Variants in TRNT1 observed in about 807,000 individuals in gnomAD.
TRNT1 encodes the protein tRNA nucleotidyl transferase 1.
Under a neutral mutation model 45.6 loss-of-function variants are expected in TRNT1, and 44 were observed. That is an observed-to-expected ratio of 0.97 (90% CI 0.76 to 1.24). The LOEUF (loss-of-function observed/expected upper bound fraction) is 1.24. TRNT1 is among the 50% of genes most tolerant of loss of function. TRNT1 has a pLI of 0.00. For missense variants in TRNT1, 633 were observed against 504.4 expected (o/e 1.25, Z -2.44); for synonymous variants, 201 against 171.4 (o/e 1.17, Z -1.35).
In TRNT1 at chr3:3,140,543, C is replaced by T. The variant is rs780385153; in HGVS notation, c.376C>T (p.Arg126Trp). The change falls in exon 4 of 8, where the codon CGG becomes TGG. Residue 126 changes from arginine (R) to tryptophan (W), a missense_variant. By Grantham distance (101) the Arg-to-Trp change is moderately radical (BLOSUM62 -3). Transcript: ENST00000251607. ...AGAAAATTTTGAGATTACTACACTA[C>T]GGATTGATGTCACCACTGATGGAAG... Reference protein sequence around the residue: ...HEENFEITTLRIDVTTDGRHA... With the variant: ...HEENFEITTLWIDVTTDGRHA... The T allele has an allele frequency of 1.2e-5, 19 of 1,613,994 alleles. No homozygotes were observed. Among genetic ancestry groups the T allele is most frequent in the Admixed American group, 1.7e-5 (1 of 60,004 alleles).
In TRNT1 at chr3:3,147,768, A is replaced by AAAAC. The variant is rs1322492972; in HGVS notation, c.1056+66_1056+69dup. 1.4e-5 allele frequency: 21 copies of AAAAC among 1,533,514 alleles called. No homozygotes were observed. The African/African-American group carries it at 2.9e-4, about 21-fold the overall frequency. The allele number at this position is 1,533,514 out of a possible 1,614,324, so 95.0% of individuals were successfully genotyped here. ...GTCACGAATTTAGAATTAATTTATT[A>AAAAC]AAACTAAGATCTACAAATCTGTGAA... On this transcript the variant is annotated intron_variant, in intron 7 of 7. Transcript: ENST00000251607.
At position 3,128,946 on chromosome 3, in the gene TRNT1, C is replaced by T. The variant is rs111585267; in HGVS notation, c.-27-68C>T. 1.1e-3 allele frequency: 1,272 copies of T among 1,151,142 alleles called. 9 individuals are homozygous for T. The African/African-American group carries it at 0.017, about 16-fold the overall frequency. The allele number at this position is 1,151,142 out of a possible 1,614,324, so 71.3% of individuals were successfully genotyped here. ...TGAGTTGATAAACTTGAAATGTGTC[C>T]CCCTTTGTTTTCCTTCACTTACCTT... On this transcript the variant is annotated intron_variant, in intron 1 of 7. Transcript: ENST00000251607.
Position 3,147,440 on chromosome 3 carries a change from G to A in TRNT1, c.803-10G>A, listed in dbSNP as rs776053995. ...CTAAAAACAGGTGAAAAATGCTTTTGTCCCTACAGGTTTACCTGCTAATGC... is the reference window on the plus strand; with the variant it reads ...CTAAAAACAGGTGAAAAATGCTTTTATCCCTACAGGTTTACCTGCTAATGC... On this transcript the variant is annotated splice_polypyrimidine_tract_variant and intron_variant, in intron 6 of 7. Transcript: ENST00000251607. 6.2e-7 allele frequency: 1 copy of A among 1,610,102 alleles called. No homozygotes were observed. Among genetic ancestry groups the A allele is most frequent in the Non-Finnish European group, 8.5e-7 (1 of 1,177,796 alleles).
intron 3 of TRNT1, among the ~76,000 whole-genome samples, chr3:3,137,700 GATGTGTTACGT>G (rs1705413073): frequency 6.7e-6 from 1 of 150,054 alleles, no homozygotes; most frequent in African/African-American, 2.5e-5. Flanking sequence ...CCAGTTTTAA[GATGTGTTACGT>G]ATTGACTTTC....
intron 2 of TRNT1, among the ~76,000 whole-genome samples, chr3:3,134,017 A>G (rs146449153): frequency 6.6e-6 from 1 of 152,310 alleles, no homozygotes; most frequent in Non-Finnish European, 1.5e-5. Flanking sequence ...GCTAATAATA[A>G]TTAACAATTG....
downstream of TRNT1, among the ~76,000 whole-genome samples, chr3:3,152,098 A>G (rs1706598995): frequency 6.6e-6 from 1 of 152,134 alleles, no homozygotes; most frequent in African/African-American, 2.4e-5. Context: ...AAAGATACAA[A>G]AAGTGCAACA....
At chr3:3,131,510 C>T (rs970088742) in intron 2 of TRNT1, 2 of 151,446 alleles carry the variant, frequency 1.3e-5, no homozygotes, top group East Asian at 2.0e-4. Flanking sequence ...CCCTTCCTTA[C>T]ACCTTATACA....
intron 3 of TRNT1, among the ~76,000 whole-genome samples, chr3:3,139,311 C>G (rs187087768): frequency 6.6e-5 from 10 of 152,102 alleles, no homozygotes; most frequent in Admixed American, 3.9e-4. Context: ...ATACTTGTGC[C>G]TCAAATTCTT....
At chr3:3,129,974 T>C in intron 2 of TRNT1, 5 of 1,550,480 alleles carry the variant, frequency 3.2e-6, no homozygotes. Flanking sequence ...TTGCCTCCAT[T>C]GTGCACGTTG....
chr3:3,150,673 G>GCTTGTTTCCTAAAGTATA (rs1706463363), downstream of TRNT1: 6 of 568,588 alleles, frequency 1.1e-5, no homozygotes, highest in South Asian at 4.1e-5. Context: ...TGCCGTTCAT[G>GCTTGTTTCCTAAAGTATA]CTTGTTTCCT....
At chr3:3,127,972 C>T (rs1704705810) in intron 1 of TRNT1, 1 of 152,158 alleles carries the variant, frequency 6.6e-6, no homozygotes. Context: ...TGGAAAATAT[C>T]CCAGACCGAC....
At chr3:3,136,090 G>C (rs1164023389) in intron 2 of TRNT1, among the ~76,000 whole-genome samples, 1 of 152,156 alleles carries the variant, frequency 6.6e-6, no homozygotes, top group Non-Finnish European at 1.5e-5. Flanking sequence ...AAACCTAATT[G>C]GTAAGGCACA....
Position 3,129,151 on chromosome 3 carries a change from C to G in TRNT1, c.111C>G (p.Phe37Leu). The change falls in exon 2 of 8, where the codon TTC (phenylalanine) becomes TTG (leucine). Residue 37 changes from phenylalanine to leucine, a missense_variant. Physicochemically the swap from Phe to Leu is conservative, Grantham distance 22 (BLOSUM62 0). Transcript: ENST00000251607. ...CAATGAAGTTGCAGTCTCCCGAATTCCAGTCACTTTTCACAGAAGGACTGA... is the reference window on the plus strand; with the variant it reads ...CAATGAAGTTGCAGTCTCCCGAATTGCAGTCACTTTTCACAGAAGGACTGA... ...LFTMKLQSPEFQSLFTEGLKS... is the reference protein window; with the variant it reads ...LFTMKLQSPELQSLFTEGLKS... 2 of 1,614,116 alleles carry G rather than the reference C, an allele frequency of 1.2e-6. No individual in the cohort carries two copies. Among genetic ancestry groups the G allele is most frequent in the South Asian group, 2.2e-5 (2 of 91,082 alleles).
chr3:3,152,188 T>C (rs1238175676), downstream of TRNT1, among the ~76,000 whole-genome samples: 1 of 150,760 alleles, frequency 6.6e-6, no homozygotes, highest in African/African-American at 2.4e-5. Flanking sequence ...TCTCACTCTG[T>C]CACCCAGGCT....
rs1705387323 is a variant in TRNT1 at position 3,137,319 on chromosome 3, T to G, written c.208T>G (p.Leu70Val). 10 of 1,612,960 alleles carry G rather than the reference T, an allele frequency of 6.2e-6. No individual in the cohort carries two copies. The highest frequency in any genetic ancestry group is 8.5e-6 in the Non-Finnish European group (10 of 1,179,574). ...RIAGGAVRDLLNGVKPQDIDF... is the reference protein window; with the variant it reads ...RIAGGAVRDLVNGVKPQDIDF... ...AGCAGGAGGAGCAGTGAGGGATTTATTAAATGGAGTAAAGCCTCAGGATAT... is the reference window on the plus strand; with the variant it reads ...AGCAGGAGGAGCAGTGAGGGATTTAGTAAATGGAGTAAAGCCTCAGGATAT... Residue 70 changes from leucine to valine, a missense_variant, in exon 3 of 8, where the codon TTA (leucine) becomes GTA (valine). Leu to Val is a conservative substitution (Grantham distance 32). Transcript: ENST00000251607.
At chr3:3,136,591 A>G (rs548527600) in intron 2 of TRNT1, 30 of 421,364 alleles carry the variant, frequency 7.1e-5, no homozygotes, top group South Asian at 4.5e-4. Flanking sequence ...ACATGTTACC[A>G]TTTCTAAAGT....
Position 3,146,444 on chromosome 3 carries a change from T to A in TRNT1, c.623T>A (p.Ile208Asn). Residue 208 changes from isoleucine to asparagine, a missense_variant, in exon 6 of 8, where the codon ATT becomes AAT. Coordinates refer to ENST00000251607, the MANE Select transcript of TRNT1 (RefSeq NM_182916.3). ...TTGTCTTGTAGGTTTTATGGGAGAA[T>A]TGTAGACAAACCTGGTGACCATGAT... ...ILRYFRFYGR[I>N]VDKPGDHDPE... 1 of 1,611,310 alleles carries A rather than the reference T, an allele frequency of 6.2e-7. No homozygotes were observed. The highest frequency in any genetic ancestry group is 8.5e-7 in the Non-Finnish European group (1 of 1,179,178).
In TRNT1 at chr3:3,128,969, C is replaced by T. The variant is rs1704803206; in HGVS notation, c.-27-45C>T. On this transcript the variant is annotated intron_variant, in intron 1 of 7. Transcript: ENST00000251607. ...TCCCCCTTTGTTTTCCTTCACTTAC[C>T]TTCACTTTTAATTTCATTGGTATGC... 9.4e-6 allele frequency: 13 copies of T among 1,390,236 alleles called. 1 individual carries two copies. In the Admixed American group the frequency reaches 1.6e-4, roughly 17 times the overall value. 86.1% of individuals were successfully genotyped at this position (1,390,236 alleles called of 1,614,324 possible).
downstream of TRNT1, chr3:3,152,415 TAAAAAAA>T: frequency 6.3e-7 from 1 of 1,582,296 alleles, no homozygotes; most frequent in South Asian, 1.2e-5. Flanking sequence ...CCAATTAAGG[TAAAAAAA>T]GAAAAAAAAA....
Sources: gnomAD v4.1 joint callset for allele counts (sites outside exome capture counted in the v4.1 genomes callset) on GRCh38, gnomAD v4.1.1 for gene constraint, MANE v1.5 for transcripts, NCBI Gene and HGNC (gene_info 2026-07-23, HGNC 2026-07-21) for gene names.